The following UBE2B variants were observed in gnomAD, a reference collection of about 807,000 sequenced individuals.
UBE2B encodes the protein ubiquitin conjugating enzyme E2 B.
In UBE2B, 11 loss-of-function variants were observed where a neutral mutation model predicts 24.6. The observed-to-expected ratio is 0.45, with a 90% CI of 0.28 to 0.74. UBE2B has a LOEUF of 0.74. Ranked by LOEUF, UBE2B falls within the 30% of genes least tolerant of loss-of-function variation. UBE2B has a pLI of 0.13. For synonymous variants in UBE2B, 68 were observed against 62.4 expected (o/e 1.09, Z -0.42); for missense variants, 78 against 185.6 (o/e 0.42, Z 3.37).
rs1244673892 is a variant in UBE2B at position 134,372,653 on chromosome 5, A to T, written c.44+1014A>T. ...CTATGTGAGGCACTTGGATTTGGCC[A>T]ACTTATTTAATTCATTCGTAGCTTC... On this transcript the variant is annotated intron_variant, in intron 1 of 5. Transcript: ENST00000265339. Among the ~76,000 whole-genome samples the T allele has an allele frequency of 2.0e-5, 3 of 152,172 alleles. No individual in the cohort carries two copies. In the East Asian group the frequency reaches 5.8e-4, roughly 29 times the overall value.
chr5:134,384,689 T>TA (rs1758767696), intron 4 of UBE2B, among the ~76,000 whole-genome samples: 1 of 152,226 alleles, frequency 6.6e-6, no homozygotes, highest in Non-Finnish European at 1.5e-5. Context: ...TTTATTTTTT[T>TA]AAAAACATTT....
At chr5:134,380,374 A>G (rs898650408) in intron 3 of UBE2B, among the ~76,000 whole-genome samples, 2 of 152,146 alleles carry the variant, frequency 1.3e-5, no homozygotes, top group Non-Finnish European at 2.9e-5. Flanking sequence ...GACCCTCTCA[A>G]AATCCTTTAA....
chr5:134,382,830 T>G (rs780137783), intron 4 of UBE2B, among the ~76,000 whole-genome samples: 2 of 151,950 alleles, frequency 1.3e-5, no homozygotes, highest in Non-Finnish European at 2.9e-5. Context: ...TTTTTTGGTT[T>G]GTTTGTTTTT....
chr5:134,376,344 AAAAAATAT>A (rs1388009554), intron 2 of UBE2B, among the ~76,000 whole-genome samples: 1 of 6,934 alleles, frequency 1.4e-4, no homozygotes, highest in Non-Finnish European at 3.8e-4. Flanking sequence ...AAAAAAAAAA[AAAAAATAT>A]ATATATATAT....
In UBE2B at chr5:134,377,077, CAT is replaced by C. The variant is rs1758622147; in HGVS notation, c.151+385_151+386del. The stretch of plus-strand genomic sequence containing the variant: ...TGAGCTGAAATTTTTCATAAACATA[CAT>C]AGCTGCCAGTAGTTTCAAGTACTAC... On this transcript the variant is annotated intron_variant, in intron 3 of 5. Coordinates refer to ENST00000265339, the MANE Select transcript of UBE2B (RefSeq NM_003337.4). 2.0e-5 allele frequency among the ~76,000 whole-genome samples: 3 copies of C among 152,230 alleles called. No individual in the cohort carries two copies. In the South Asian group the frequency reaches 6.2e-4, roughly 32 times the overall value.
chr5:134,374,867 A>G (rs1279247490), intron 2 of UBE2B, among the ~76,000 whole-genome samples: 4 of 152,182 alleles, frequency 2.6e-5, no homozygotes, highest in Non-Finnish European at 5.9e-5. Context: ...ACTTGAGCCC[A>G]GAAGTTTGAG....
chr5:134,373,133 G>A lies in UBE2B; in HGVS notation c.45-1250G>A, dbSNP rs564873563. 7.9e-5 allele frequency among the ~76,000 whole-genome samples: 12 copies of A among 152,294 alleles called. No homozygotes were observed. The South Asian group carries it at 2.5e-3, about 32-fold the overall frequency. The stretch of plus-strand genomic sequence containing the variant: ...TTGTGTTGAGTCTCCTGATCTGAGA[G>A]GTGGATTTGGTGTTAGTGCAGAGCC... On this transcript the variant is annotated intron_variant, in intron 1 of 5. Transcript: ENST00000265339.
chr5:134,377,392 C>A (rs746625034), intron 3 of UBE2B, among the ~76,000 whole-genome samples: 3 of 152,090 alleles, frequency 2.0e-5, no homozygotes, highest in Non-Finnish European at 4.4e-5. Context: ...AGGACGTAAC[C>A]TGAATGTCCA....
At chr5:134,376,336 A>ATAT (rs1412262320) in intron 2 of UBE2B, among the ~76,000 whole-genome samples, 1 of 4,116 alleles carries the variant, frequency 2.4e-4, no homozygotes, top group African/African-American at 5.1e-4. Flanking sequence ...AAAAAAAAAA[A>ATAT]AAAAAAAAAA....
chr5:134,390,647 A>C lies in UBE2B; in HGVS notation c.*294A>C. On this transcript the variant is annotated 3_prime_UTR_variant, in exon 6 of 6. Coordinates refer to ENST00000265339, the MANE Select transcript of UBE2B (RefSeq NM_003337.4). The surrounding 1 kb of genome is among the most constrained non-coding windows in gnomAD (Gnocchi z 4.6). Reference sequence around the variant, plus strand: ...ATGACAGAATATACACATTTTGTAAATCTGTACTTTTTTCAAATATTGAAT... The same window carrying C: ...ATGACAGAATATACACATTTTGTAACTCTGTACTTTTTTCAAATATTGAAT... 1 of 257,230 alleles carries C rather than the reference A, an allele frequency of 3.9e-6. No individual in the cohort carries two copies. Among genetic ancestry groups the C allele is most frequent in the South Asian group, 5.1e-5 (1 of 19,704 alleles). The allele number at this position is 257,230 out of a possible 1,614,324, so 15.9% of individuals were successfully genotyped here.
intron 2 of UBE2B, among the ~76,000 whole-genome samples, chr5:134,376,338 A>ATATATATATATATATAT (rs1276778610): frequency 3.0e-3 from 13 of 4,370 alleles, no homozygotes; most frequent in Non-Finnish European, 6.7e-3. Context: ...AAAAAAAAAA[A>ATATATATATATATATAT]AAAAAAAAAA....
chr5:134,388,286 T>C, intron 4 of UBE2B, 39 bp from the exon 5 acceptor site: 14 of 1,533,746 alleles, frequency 9.1e-6, no homozygotes, highest in Non-Finnish European at 1.3e-5. Flanking sequence ...CTGTTAGATA[T>C]GGCAGAGTGT....
intron 3 of UBE2B, among the ~76,000 whole-genome samples, chr5:134,380,229 G>T (rs555823274): frequency 2.6e-5 from 4 of 152,246 alleles, no homozygotes; most frequent in African/African-American, 9.6e-5. Context: ...TTTTAATGAA[G>T]ATTTTCTGAG....
At chr5:134,388,528 T>C in intron 5 of UBE2B, 115 bp downstream of exon 5, 1 of 943,726 alleles carries the variant, frequency 1.1e-6, no homozygotes, top group Non-Finnish European at 1.7e-6. Flanking sequence ...GCTTTTCAGC[T>C]AACTTTTCTC....
At position 134,391,955 on chromosome 5, in the gene UBE2B, T is replaced by C. The variant is rs919424083; in HGVS notation, c.*1602T>C. 2 of 152,114 alleles carry C rather than the reference T, an allele frequency of 1.3e-5. No individual in the cohort carries two copies. Among genetic ancestry groups the C allele is most frequent in the Non-Finnish European group, 2.9e-5 (2 of 68,004 alleles). The allele number at this position is 152,114 out of a possible 1,614,324, so 9.4% of individuals were successfully genotyped here. The stretch of plus-strand genomic sequence containing the variant: ...CACTCCAGCCTGGGTGACAGAGCAA[T>C]ACCCTGTCTTTAAAAATAAAAGCTA... On this transcript the variant is annotated 3_prime_UTR_variant, in exon 6 of 6. Transcript: ENST00000265339.
chr5:134,379,370 G>A (rs1758665924), intron 3 of UBE2B, among the ~76,000 whole-genome samples: 1 of 151,840 alleles, frequency 6.6e-6, no homozygotes, highest in South Asian at 2.1e-4. Context: ...TTTTTGCTGG[G>A]TGCAGTGGTT....
chr5:134,371,933 A>G (rs530415825), intron 1 of UBE2B, among the ~76,000 whole-genome samples: 2 of 152,308 alleles, frequency 1.3e-5, no homozygotes, highest in African/African-American at 4.8e-5. Context: ...CGTCTCGCCC[A>G]GGCGATCAGA....
chr5:134,371,735 G>C (rs923970869), intron 1 of UBE2B, 96 bp downstream of exon 1: 8 of 1,561,190 alleles, frequency 5.1e-6, no homozygotes, highest in Non-Finnish European at 6.1e-6. Context: ...GACCCTCAGA[G>C]GGCCGGCTGT....
intron 3 of UBE2B, 136 bp from the exon 4 acceptor site, chr5:134,380,583 A>C (rs1288750700): frequency 4.9e-6 from 3 of 615,088 alleles, no homozygotes; most frequent in Non-Finnish European, 9.0e-6. Context: ...TATATTTAGG[A>C]TGTTTTGTAT....
Sources: gnomAD v4.1 joint callset for allele counts (sites outside exome capture counted in the v4.1 genomes callset) on GRCh38, gnomAD v4.1.1 for gene constraint, Gnocchi (gnomAD v3.1) non-coding constraint, MANE v1.5 for transcripts, NCBI Gene and HGNC (gene_info 2026-07-23, HGNC 2026-07-21) for gene names.